PDK1: variants seen among roughly 807,000 people sequenced by gnomAD.
The protein encoded by PDK1 is [Pyruvate dehydrogenase (acetyl-transferring)] kinase isozyme 1, mitochondrial.
Under a neutral mutation model 54.2 loss-of-function variants are expected in PDK1, and 39 were observed. The ratio of observed to expected loss-of-function variants is 0.72; its 90% CI spans 0.56 to 0.94. The LOEUF (loss-of-function observed/expected upper bound fraction) is 0.94, where lower values mean the gene tolerates loss of function less well. PDK1 is among the 40% of genes least tolerant of loss of function. The pLI is 0.00. For synonymous variants in PDK1, 221 were observed against 207.1 expected, an observed-to-expected ratio of 1.07 and a Z score of -0.58; for missense variants, 552 against 566.0, an observed-to-expected ratio of 0.98 and a Z score of 0.25.
chr2:172,645,803 A>G, the PDK1 span, among the ~76,000 whole-genome samples: 2 of 152,240 alleles, frequency 1.3e-5, no homozygotes, highest in East Asian at 3.8e-4. Context: ...CCCTAGATTC[A>G]GCACAGTACC....
chr2:172,560,661 CTT>C (rs2149194837), intron 2 of PDK1, among the ~76,000 whole-genome samples: 1 of 152,198 alleles, frequency 6.6e-6, no homozygotes, highest in Admixed American at 6.5e-5. Context: ...TGAAGGGTAT[CTT>C]TTTATAAATT....
At chr2:172,630,624 C>G in the PDK1 span, among the ~76,000 whole-genome samples, 1 of 118,892 alleles carries the variant, frequency 8.4e-6, no homozygotes, top group Non-Finnish European at 1.8e-5. Flanking sequence ...TTTTTACCCT[C>G]TAATGGAATT....
chr2:172,684,062 C>T, the PDK1 span, among the ~76,000 whole-genome samples: 2 of 152,194 alleles, frequency 1.3e-5, no homozygotes, highest in African/African-American at 4.8e-5. Flanking sequence ...TATTTGGATT[C>T]TATTTTTTGA....
At chr2:172,587,398 G>C (rs897009935) in intron 9 of PDK1, among the ~76,000 whole-genome samples, 2 of 152,072 alleles carry the variant, frequency 1.3e-5, no homozygotes, top group East Asian at 3.9e-4. Flanking sequence ...TCGTGGTCTT[G>C]CTGGCTTCAG....
At chr2:172,574,777 C>T (rs928758014) in intron 8 of PDK1, among the ~76,000 whole-genome samples, 2 of 152,028 alleles carry the variant, frequency 1.3e-5, no homozygotes, top group African/African-American at 4.8e-5. Flanking sequence ...ATCTTGTATC[C>T]TGCATCCTTG....
the PDK1 span, among the ~76,000 whole-genome samples, chr2:172,647,624 G>C: frequency 6.6e-6 from 1 of 152,050 alleles, no homozygotes; most frequent in African/African-American, 2.4e-5. Flanking sequence ...AAGGAAAAGA[G>C]ACAATTCATC....
chr2:172,560,573 A>G (rs527484835), intron 2 of PDK1, among the ~76,000 whole-genome samples: 2 of 152,376 alleles, frequency 1.3e-5, no homozygotes, highest in African/African-American at 4.8e-5. Context: ...CCATTTGTCC[A>G]TCTCTGCTAT....
At chr2:172,639,001 A>AC in the PDK1 span, among the ~76,000 whole-genome samples, 1 of 152,234 alleles carries the variant, frequency 6.6e-6, no homozygotes, top group African/African-American at 2.4e-5. Context: ...GCAGAAGAAA[A>AC]GAAAAAACAT....
At position 172,597,739 on chromosome 2, in the gene PDK1, C is replaced by T. The variant is rs1160598445; in HGVS notation, c.*1770C>T. 1.3e-5 allele frequency: 2 copies of T among 152,092 alleles called. No homozygotes were observed. Among genetic ancestry groups the T allele is most frequent in the South Asian group, 2.1e-4 (1 of 4,826 alleles). 9.4% of individuals were successfully genotyped at this position (152,092 alleles called of 1,614,324 possible). On this transcript the variant is annotated 3_prime_UTR_variant, in exon 11 of 11. Coordinates refer to ENST00000282077, the MANE Select transcript of PDK1 (RefSeq NM_002610.5). ...GTTGTTAGTTATCCCTCAACATCTT[C>T]TAAGGTGGCAGGAAATAATATTGGA...
the PDK1 span, among the ~76,000 whole-genome samples, chr2:172,628,887 G>A: frequency 6.6e-6 from 1 of 152,208 alleles, no homozygotes; most frequent in East Asian, 1.9e-4. Context: ...GGGAGACTGA[G>A]TTGGGAGGAC....
the PDK1 span, among the ~76,000 whole-genome samples, chr2:172,616,520 G>C: frequency 6.6e-5 from 10 of 152,070 alleles, no homozygotes; most frequent in Admixed American, 6.5e-4. Flanking sequence ...GAAAACCTAC[G>C]TTTTTTGAAA....
chr2:172,679,870 GT>G, the PDK1 span, among the ~76,000 whole-genome samples: 8,104 of 152,012 alleles, frequency 0.053, 412 homozygotes, highest in East Asian at 0.22. Flanking sequence ...AGGGTTTTGG[GT>G]TTTTTTTAGC....
At chr2:172,685,922 C>T in the PDK1 span, among the ~76,000 whole-genome samples, 1 of 152,208 alleles carries the variant, frequency 6.6e-6, no homozygotes, top group African/African-American at 2.4e-5. Flanking sequence ...TCCTGTTTTG[C>T]ATTCACATTT....
intron 5 of PDK1, 90 bp from the exon 6 acceptor site, chr2:172,566,766 C>A: frequency 1.5e-6 from 1 of 687,420 alleles, no homozygotes; most frequent in Non-Finnish European, 2.4e-6. Flanking sequence ...GAGTTCAAGA[C>A]TTTGATTTGT....
At chr2:172,616,855 A>G in the PDK1 span, among the ~76,000 whole-genome samples, 1 of 152,196 alleles carries the variant, frequency 6.6e-6, no homozygotes, top group Admixed American at 6.5e-5. Flanking sequence ...TGGAAAGTCA[A>G]CTTGAAAACA....
the PDK1 span, among the ~76,000 whole-genome samples, chr2:172,690,807 C>T: frequency 1.4e-5 from 2 of 142,556 alleles, no homozygotes; most frequent in African/African-American, 2.6e-5. Context: ...ACAATGAGAT[C>T]ACTTGGACAC....
At position 172,607,061 on chromosome 2, in the gene PDK1, G is replaced by T. The variant is rs1283283041; in HGVS notation, c.*11092G>T. 2 of 152,210 alleles carry T rather than the reference G, an allele frequency of 1.3e-5. No individual in the cohort carries two copies. The highest frequency in any genetic ancestry group is 4.8e-5 in the African/African-American group (2 of 41,450). 9.4% of individuals were successfully genotyped at this position (152,210 alleles called of 1,614,324 possible). A position where few individuals can be genotyped will look rare whatever the true frequency, so the allele number is the denominator to read the frequency against. Reference sequence around the variant, plus strand: ...GTCTAAATTAGCTCTCAGGCATATTGTCTTCAAAGGAATGTTTTAAACCAG... The same window carrying T: ...GTCTAAATTAGCTCTCAGGCATATTTTCTTCAAAGGAATGTTTTAAACCAG... On this transcript the variant is annotated 3_prime_UTR_variant, in exon 11 of 11. Transcript: ENST00000282077.
intron 8 of PDK1, among the ~76,000 whole-genome samples, chr2:172,580,770 C>T (rs1689860047): frequency 6.6e-6 from 1 of 152,114 alleles, no homozygotes; most frequent in Non-Finnish European, 1.5e-5. Flanking sequence ...TATTATTTGG[C>T]CACAAAAGGA....
the PDK1 span, among the ~76,000 whole-genome samples, chr2:172,626,645 T>A: frequency 6.6e-6 from 1 of 151,976 alleles, no homozygotes; most frequent in Non-Finnish European, 1.5e-5. Flanking sequence ...AATAAAAAAA[T>A]TAGCCCAGTG....
Sources: gnomAD v4.1 joint callset for allele counts (sites outside exome capture counted in the v4.1 genomes callset) on GRCh38, gnomAD v4.1.1 for gene constraint, MANE v1.5 for transcripts, NCBI Gene and HGNC (gene_info 2026-07-23, HGNC 2026-07-21) for gene names.